The following CACNA1C variants were observed in gnomAD, a reference collection of about 807,000 sequenced individuals.
The protein encoded by CACNA1C is voltage-dependent L-type calcium channel subunit alpha-1C.
CACNA1C carries 30 observed loss-of-function variants against 229.0 expected under a neutral mutation model. The ratio of observed to expected loss-of-function variants is 0.13; its 90% confidence interval spans 0.10 to 0.18. The LOEUF is 0.18. Ranked by LOEUF, CACNA1C falls within the 10% of genes least tolerant of loss-of-function variation. CACNA1C has a pLI of 1.00. For synonymous variants in CACNA1C, 1,114 were observed against 1,132.5 expected (o/e 0.98, Z 0.33); for missense variants, 1,658 against 2,845.0 (o/e 0.58, Z 9.49).
At chr12:2,112,613 A>G (rs2082202733) in intron 1 of CACNA1C, among the ~76,000 whole-genome samples, 2 of 152,142 alleles carry the variant, frequency 1.3e-5, no homozygotes, top group South Asian at 4.1e-4. Context: ...CTGTAATGCT[A>G]CAGGGGCCAG....
intron 3 of CACNA1C, among the ~76,000 whole-genome samples, chr12:2,213,235 C>T (rs749575971): frequency 2.6e-5 from 4 of 152,178 alleles, no homozygotes; most frequent in Non-Finnish European, 5.9e-5. Flanking sequence ...CTGAGGTTAA[C>T]GCTTCAGGTC....
At chr12:2,523,379 G>A (rs1234590631) in intron 9 of CACNA1C, among the ~76,000 whole-genome samples, 1 of 152,182 alleles carries the variant, frequency 6.6e-6, no homozygotes, top group African/African-American at 2.4e-5. Flanking sequence ...TTCAGTTCAG[G>A]GTTCCTTGGG....
intron 1 of CACNA1C, among the ~76,000 whole-genome samples, chr12:1,990,083 G>A (rs975310642): frequency 2.6e-5 from 4 of 152,152 alleles, no homozygotes; most frequent in Admixed American, 1.3e-4. Flanking sequence ...CTTGGGTCTC[G>A]AAGTTAAGGT....
In CACNA1C at chr12:2,034,170, A is replaced by G. The variant is rs2048701028; in HGVS notation, c.139+62969A>G. Among the ~76,000 whole-genome samples the G allele has an allele frequency of 6.6e-6, 1 of 152,198 alleles. No homozygotes were observed. Among genetic ancestry groups the G allele is most frequent in the Admixed American group, 6.5e-5 (1 of 15,284 alleles). ...TATCTTTATTCCTATTATACAGATG[A>G]TGAAACTGAGGCTTGAAGAGAGCGG... On this transcript the variant is annotated intron_variant, in intron 1 of 46. Transcript: ENST00000682462. This position sits in a 1 kb window ranked among gnomAD's most constrained non-coding sequence, Gnocchi z 4.1.
intron 1 of CACNA1C, among the ~76,000 whole-genome samples, chr12:2,072,994 G>A (rs1398473178): frequency 6.6e-6 from 1 of 152,030 alleles, no homozygotes; most frequent in Non-Finnish European, 1.5e-5. Flanking sequence ...AAAACAGATG[G>A]GCATCTGCTG....
In CACNA1C at chr12:2,249,810, G is replaced by T. The variant is rs1190714514; in HGVS notation, c.477+129380G>T. Reference sequence around the variant, plus strand: ...TTTTGAGATGGAGTCTCACTCTGTTGCCCAGGCTGGAGTGCAGTGGCGCGA... The same window carrying T: ...TTTTGAGATGGAGTCTCACTCTGTTTCCCAGGCTGGAGTGCAGTGGCGCGA... On this transcript the variant is annotated intron_variant, in intron 3 of 46. Coordinates refer to ENST00000399655, the MANE Select transcript of CACNA1C (RefSeq NM_000719.7). Among the ~76,000 whole-genome samples, 16 of 132,872 alleles carry T rather than the reference G, an allele frequency of 1.2e-4. No homozygotes were observed. In the South Asian group the frequency reaches 3.8e-3, roughly 31 times the overall value. The allele number at this position is 132,872 out of a possible 152,430, so 87.2% of individuals were successfully genotyped here.
intron 3 of CACNA1C, among the ~76,000 whole-genome samples, chr12:2,304,671 G>A (rs1352269256): frequency 6.6e-6 from 1 of 152,126 alleles, no homozygotes; most frequent in African/African-American, 2.4e-5. Flanking sequence ...CACATTCCCA[G>A]GAGGCTCTGG....
chr12:2,000,909 C>A (rs146813825), intron 1 of CACNA1C, among the ~76,000 whole-genome samples: 2,685 of 152,094 alleles, frequency 0.018, 80 homozygotes, highest in African/African-American at 0.059. Context: ...TGGTGGCAGG[C>A]GCCTGTAATC....
intron 3 of CACNA1C, chr12:2,223,234 G>A (rs898483091): frequency 7.2e-5 from 11 of 152,214 alleles, no homozygotes; most frequent in African/African-American, 2.4e-4. Context: ...CCAAACATAA[G>A]GGTTTGAGCC....
chr12:2,128,536 G>A (rs983340388), intron 3 of CACNA1C, among the ~76,000 whole-genome samples: 1 of 151,982 alleles, frequency 6.6e-6, no homozygotes, highest in East Asian at 1.9e-4. Context: ...TCAGCCTCCC[G>A]AGTAGCTGGG....
At chr12:2,367,132 TG>T (rs1336786353) in intron 3 of CACNA1C, among the ~76,000 whole-genome samples, 1 of 152,122 alleles carries the variant, frequency 6.6e-6, no homozygotes, top group Non-Finnish European at 1.5e-5. Flanking sequence ...ACTGAAGGGA[TG>T]GGGGCAGGGT....
chr12:2,310,085 GGTTGGCTAC>G (rs1159333197), intron 3 of CACNA1C, among the ~76,000 whole-genome samples: 3 of 152,244 alleles, frequency 2.0e-5, no homozygotes, highest in East Asian at 3.9e-4. Flanking sequence ...TCAGCTCACT[GGTTGGCTAC>G]GAAGCGGAAC....
chr12:2,670,138 A>T (rs1017641058), intron 38 of CACNA1C, among the ~76,000 whole-genome samples: 5 of 152,194 alleles, frequency 3.3e-5, no homozygotes, highest in African/African-American at 9.6e-5. Flanking sequence ...GGGCCCAGGA[A>T]TCTGCATCTT....
intron 3 of CACNA1C, among the ~76,000 whole-genome samples, chr12:2,369,591 T>C (rs1313403241): frequency 4.6e-5 from 7 of 151,496 alleles, no homozygotes; most frequent in African/African-American, 1.7e-4. Flanking sequence ...TTTAGTAGAG[T>C]CAGGGTTTCA....
At chr12:2,556,116 C>T (rs748293813) in intron 10 of CACNA1C, among the ~76,000 whole-genome samples, 1 of 152,164 alleles carries the variant, frequency 6.6e-6, no homozygotes, top group Non-Finnish European at 1.5e-5. Flanking sequence ...CAACTGCTTA[C>T]ATTCTCTCAC....
intron 3 of CACNA1C, among the ~76,000 whole-genome samples, chr12:2,207,367 G>A (rs896891357): frequency 2.0e-5 from 3 of 152,222 alleles, no homozygotes; most frequent in Admixed American, 2.0e-4. Flanking sequence ...TATATTCATT[G>A]TGATAGTTTG....
At chr12:2,154,981 A>T (rs938367880) in intron 3 of CACNA1C, among the ~76,000 whole-genome samples, 2 of 152,170 alleles carry the variant, frequency 1.3e-5, no homozygotes, top group Non-Finnish European at 1.5e-5. Context: ...CTGCCGTCCT[A>T]GAGTATAGGT....
chr12:2,452,001 C>T (rs1052010310), intron 4 of CACNA1C, among the ~76,000 whole-genome samples: 1 of 152,192 alleles, frequency 6.6e-6, no homozygotes, highest in Non-Finnish European at 1.5e-5. Flanking sequence ...AGCTCATCTC[C>T]TTTTTCTGCT....
intron 1 of CACNA1C, among the ~76,000 whole-genome samples, chr12:2,036,425 CA>C (rs2049149665): frequency 1.3e-5 from 2 of 152,180 alleles, no homozygotes; most frequent in South Asian, 4.1e-4. Context: ...AATGAACACC[CA>C]GCAGAGGGCA....
Sources: allele counts gnomAD v4.1 joint callset (sites outside exome capture counted in the v4.1 genomes callset), GRCh38; gene constraint gnomAD v4.1.1; non-coding constraint Gnocchi (gnomAD v3.1); transcripts MANE v1.5; gene names NCBI Gene and HGNC (gene_info 2026-07-23, HGNC 2026-07-21).